Variants in ZNF107 observed in about 807,000 individuals in gnomAD.
ZNF107 encodes the protein C2H2 type zinc-finger protein.
ZNF107 carries 19 observed loss-of-function variants against 12.3 expected under a neutral mutation model. The ratio of observed to expected loss-of-function variants is 1.55; its 90% CI spans 1.08 to 2.27. The LOEUF is 2.27. ZNF107 is among the 30% of genes most tolerant of loss of function. The probability of loss-of-function intolerance (pLI) is 0.00; values close to 1 mark genes in which losing one functional copy is unlikely to be tolerated. For missense variants in ZNF107, 958 were observed against 979.9 expected, an observed-to-expected ratio of 0.98 and a Z score of 0.30; for synonymous variants, 317 against 330.5, an observed-to-expected ratio of 0.96 and a Z score of 0.44.
intron 1 of ZNF107, among the ~76,000 whole-genome samples, chr7:64,681,200 T>C (rs1192352546): frequency 6.6e-6 from 1 of 152,086 alleles, no homozygotes; most frequent in Non-Finnish European, 1.5e-5. Flanking sequence ...ATCATGGACC[T>C]CGGGTAACTC....
chr7:64,684,307 G>C (rs1789812032), intron 1 of ZNF107, among the ~76,000 whole-genome samples: 1 of 152,084 alleles, frequency 6.6e-6, no homozygotes, highest in Non-Finnish European at 1.5e-5. Context: ...AATCTGTCAG[G>C]CTGCTAACCT....
chr7:64,708,107 T>C lies in ZNF107; in HGVS notation c.2010T>C (p.Ile670=). 1 of 1,612,884 alleles carries C rather than the reference T, an allele frequency of 6.2e-7. No homozygotes were observed. Among genetic ancestry groups the C allele is most frequent in the South Asian group, 1.1e-5 (1 of 90,830 alleles). ...LFSNITNHKI[I]YTGEKPHKCE... is the part of the protein sequence containing the mutation. The stretch of plus-strand genomic sequence containing the variant: ...CAAACATTACTAACCATAAGATAAT[T>C]TATACTGGAGAGAAACCCCACAAAT... The change falls in exon 4 of 4, where the codon ATT becomes ATC. Residue 670 remains isoleucine, a synonymous_variant. Transcript: ENST00000620827.
At chr7:64,699,141 GTTTATAATAAAAATTTAAA>G (rs963965955) in intron 3 of ZNF107, among the ~76,000 whole-genome samples, 12 of 151,608 alleles carry the variant, frequency 7.9e-5, no homozygotes, top group Admixed American at 2.6e-4. Context: ...GGGTGTTATA[GTTTATAATAAAAATTTAAA>G]ATTTTAAATA....
intron 3 of ZNF107, among the ~76,000 whole-genome samples, chr7:64,700,792 T>G (rs985156880): frequency 3.3e-5 from 5 of 151,942 alleles, no homozygotes; most frequent in South Asian, 4.1e-4. Context: ...CACCCGCCTT[T>G]GCCTCCCAAA....
chr7:64,706,800 G>T lies in ZNF107; in HGVS notation c.703G>T (p.Gly235Cys). 1 of 1,613,504 alleles carries T rather than the reference G, an allele frequency of 6.2e-7. No homozygotes were observed. Among genetic ancestry groups the T allele is most frequent in the Non-Finnish European group, 8.5e-7 (1 of 1,179,798 alleles). ...AAAGCCCTACAAATGTGAAGAATGT[G>T]GCAAAGCCTTTAACCAGTCCTCACA... is the stretch of plus-strand genomic sequence containing the variant. The part of the protein sequence containing the change: ...GEKPYKCEEC[G>C]KAFNQSSQLT... Residue 235 changes from glycine to cysteine, a missense_variant, in exon 4 of 4, where the codon GGC (glycine) becomes TGC (cysteine). Physicochemically the swap from Gly to Cys is radical, Grantham distance 159 (BLOSUM62 -3). Coordinates refer to ENST00000620827, the MANE Select transcript of ZNF107 (RefSeq NM_001282359.2).
At chr7:64,684,488 A>G (rs1789819649) in intron 1 of ZNF107, 2 of 776,098 alleles carry the variant, frequency 2.6e-6, no homozygotes, top group Non-Finnish European at 3.1e-6. Context: ...CAGTGGATTC[A>G]CCCTTCCAGA....
chr7:64,706,226 C>A, intron 3 of ZNF107, 98 bp from the exon 4 acceptor site: 1 of 1,158,754 alleles, frequency 8.6e-7, no homozygotes, highest in Non-Finnish European at 1.2e-6. Context: ...GCTATGCAAT[C>A]TGGCTTATGT....
chr7:64,696,867 T>A (rs901691542), intron 3 of ZNF107, among the ~76,000 whole-genome samples: 4 of 152,168 alleles, frequency 2.6e-5, no homozygotes, highest in Non-Finnish European at 5.9e-5. Context: ...GTGCACAACA[T>A]GCAGGTTTGT....
intron 1 of ZNF107, chr7:64,690,585 C>T: frequency 1.1e-6 from 1 of 951,412 alleles, no homozygotes; most frequent in Non-Finnish European, 1.3e-6. Flanking sequence ...TTTGCAGAGA[C>T]ATTCCATTTA....
chr7:64,674,965 T>C (rs1307798661), intron 1 of ZNF107, among the ~76,000 whole-genome samples: 1 of 151,852 alleles, frequency 6.6e-6, no homozygotes, highest in Admixed American at 6.6e-5. Context: ...TACTTGATCA[T>C]AGTGGATTAG....
At chr7:64,679,458 G>C in intron 1 of ZNF107, 4 of 751,586 alleles carry the variant, frequency 5.3e-6, no homozygotes, top group Non-Finnish European at 4.9e-6. Flanking sequence ...GGCTTCCCTA[G>C]GTGACTGGTC....
At chr7:64,679,293 C>G (rs762586993) in intron 1 of ZNF107, 89 of 985,030 alleles carry the variant, frequency 9.0e-5, no homozygotes, top group Non-Finnish European at 1.1e-4. Context: ...GACCTCGGTA[C>G]CTCGGACCAG....
chr7:64,685,227 C>G (rs1311729211), intron 1 of ZNF107, among the ~76,000 whole-genome samples: 1 of 152,154 alleles, frequency 6.6e-6, no homozygotes, highest in Admixed American at 6.5e-5. Flanking sequence ...CTTTCCAAGC[C>G]CCTTTATGCA....
Position 64,691,321 on chromosome 7 carries a change from G to A in ZNF107, c.77G>A (p.Arg26Gln), listed in dbSNP as rs1281236748. The change falls in exon 2 of 4, where the codon CGG (arginine) becomes CAG (glutamine). Residue 26 changes from arginine (R) to glutamine (Q), a missense_variant. Coordinates refer to ENST00000620827, the MANE Select transcript of ZNF107 (RefSeq NM_001282359.2). ...TGGCAATGCCTGGATACTGCACAGCGGGATTTATATAGGAATGTGTTGTTA... is the reference window on the plus strand; with the variant it reads ...TGGCAATGCCTGGATACTGCACAGCAGGATTTATATAGGAATGTGTTGTTA... ...EEWQCLDTAQ[R>Q]DLYRNVLLEN... 19 of 1,543,684 alleles carry A rather than the reference G, an allele frequency of 1.2e-5. No individual in the cohort carries two copies. The highest frequency in any genetic ancestry group is 5.9e-5 in the Admixed American group (3 of 50,856).
chr7:64,669,475 G>A (rs767047262), intron 1 of ZNF107, among the ~76,000 whole-genome samples: 13 of 152,080 alleles, frequency 8.5e-5, no homozygotes, highest in Non-Finnish European at 1.8e-4. Context: ...TTCTTACTGA[G>A]GTATGAAATG....
chr7:64,694,423 T>C (rs1239603565), intron 3 of ZNF107, among the ~76,000 whole-genome samples: 1 of 152,200 alleles, frequency 6.6e-6, no homozygotes, highest in Non-Finnish European at 1.5e-5. Flanking sequence ...AATCTTTGGC[T>C]CTAGCAGAGT....
At position 64,710,510 on chromosome 7, in the gene ZNF107, T is replaced by C. The variant is rs1051348109; in HGVS notation, c.*1854T>C. The C allele has an allele frequency of 6.6e-6, 1 of 152,134 alleles. No homozygotes were observed. The highest frequency in any genetic ancestry group is 1.9e-4 in the East Asian group (1 of 5,198). The allele number at this position is 152,134 out of a possible 1,614,324, so 9.4% of individuals were successfully genotyped here. On this transcript the variant is annotated 3_prime_UTR_variant, in exon 4 of 4. Coordinates refer to ENST00000620827, the MANE Select transcript of ZNF107 (RefSeq NM_001282359.2). ...ACTTCAGACATTGCTGAGTATAGAATCAGAATGCTGAGTATAGAAAATAAT... is the reference window on the plus strand; with the variant it reads ...ACTTCAGACATTGCTGAGTATAGAACCAGAATGCTGAGTATAGAAAATAAT...
chr7:64,669,293 A>C (rs1789133049), intron 1 of ZNF107: 1 of 151,946 alleles, frequency 6.6e-6, no homozygotes, highest in South Asian at 2.1e-4. Flanking sequence ...TACAGGCATG[A>C]GCCACTGCAC....
intron 1 of ZNF107, among the ~76,000 whole-genome samples, chr7:64,672,769 G>A (rs1023640890): frequency 1.7e-4 from 26 of 152,208 alleles, no homozygotes; most frequent in Admixed American, 5.2e-4. Flanking sequence ...ATGTGTCTCT[G>A]TGATAGAATA....
Sources: allele counts gnomAD v4.1 joint callset (sites outside exome capture counted in the v4.1 genomes callset), GRCh38; gene constraint gnomAD v4.1.1; transcripts MANE v1.5; gene names NCBI Gene and HGNC (gene_info 2026-07-23, HGNC 2026-07-21).